CCDC18: variants seen among roughly 807,000 people sequenced by gnomAD.
The protein encoded by CCDC18 is coiled-coil domain-containing protein 18.
CCDC18 carries 157 observed loss-of-function variants against 196.0 expected under a neutral mutation model. That is an observed-to-expected ratio of 0.80 (90% CI 0.70 to 0.91). CCDC18 has a LOEUF of 0.91. Ranked by LOEUF, CCDC18 falls within the 40% of genes least tolerant of loss-of-function variation. CCDC18 has a pLI of 0.00. For synonymous variants in CCDC18, 482 were observed against 529.2 expected (o/e 0.91, Z 1.22); for missense variants, 1,465 against 1,611.6 (o/e 0.91, Z 1.56).
At chr1:93,272,090 G>A (rs1377175387) in intron 28 of CCDC18, among the ~76,000 whole-genome samples, 2 of 152,122 alleles carry the variant, frequency 1.3e-5, no homozygotes, top group Non-Finnish European at 2.9e-5. Context: ...AGCTTTGGTG[G>A]CCTGAACAGT....
intron 12 of CCDC18, 115 bp downstream of exon 12, chr1:93,215,081 A>G: frequency 1.7e-6 from 1 of 577,530 alleles, no homozygotes; most frequent in Non-Finnish European, 2.9e-6. Context: ...TTTTTAAAAA[A>G]TGGTACCACA....
At chr1:93,197,436 A>T (rs969521203) in intron 6 of CCDC18, among the ~76,000 whole-genome samples, 2 of 152,188 alleles carry the variant, frequency 1.3e-5, no homozygotes, top group African/African-American at 4.8e-5. Context: ...GAAAACTTAG[A>T]CTAAATAAAA....
At position 93,266,511 on chromosome 1, in the gene CCDC18, T is replaced by G. The variant is rs563081189; in HGVS notation, c.3885+1610T>G. Among the ~76,000 whole-genome samples, 3 of 152,166 alleles carry G rather than the reference T, an allele frequency of 2.0e-5. No homozygotes were observed. The South Asian group carries it at 6.2e-4, about 32-fold the overall frequency. ...AAAATCAATGAATCCAGGAGCTGGT[T>G]TTTAGAAAAGATCAACAAAATTGAT... On this transcript the variant is annotated intron_variant, in intron 27 of 28. Coordinates refer to ENST00000690025, the MANE Select transcript of CCDC18 (RefSeq NM_001378204.1).
intron 12 of CCDC18, among the ~76,000 whole-genome samples, chr1:93,215,455 C>CTT (rs60117060): frequency 3.6e-5 from 5 of 139,916 alleles, no homozygotes; most frequent in African/African-American, 5.2e-5. Flanking sequence ...TTTTCTTTTT[C>CTT]TTTTTTTTTT....
At chr1:93,194,043 G>A (rs971535234) in intron 6 of CCDC18, among the ~76,000 whole-genome samples, 9 of 151,924 alleles carry the variant, frequency 5.9e-5, no homozygotes, top group Non-Finnish European at 1.0e-4. Flanking sequence ...CCAGTACACT[G>A]AGTTTAAAAT....
At chr1:93,211,316 A>C (rs532553665) in intron 10 of CCDC18, among the ~76,000 whole-genome samples, 2 of 152,120 alleles carry the variant, frequency 1.3e-5, no homozygotes, top group South Asian at 4.1e-4. Flanking sequence ...GAATTTAAAA[A>C]ATATACAGAA....
At chr1:93,210,678 C>T in intron 9 of CCDC18, 124 bp from the exon 10 acceptor site, 3 of 616,614 alleles carry the variant, frequency 4.9e-6, no homozygotes, top group East Asian at 3.0e-5. Context: ...ATATATTCTC[C>T]TATTGATGGA....
chr1:93,185,406 C>G (rs1349372623), intron 3 of CCDC18, among the ~76,000 whole-genome samples: 1 of 151,890 alleles, frequency 6.6e-6, no homozygotes, highest in East Asian at 1.9e-4. Flanking sequence ...TGAAATTAGG[C>G]ATTGTTTATC....
intron 19 of CCDC18, 55 bp from the exon 20 acceptor site, chr1:93,239,255 C>G: frequency 7.6e-7 from 1 of 1,312,842 alleles, no homozygotes; most frequent in Non-Finnish European, 1.0e-6. Context: ...TAGTCAGAGA[C>G]AAGTTAGTTG....
chr1:93,181,159 TAAAA>T (rs71094239), intron 1 of CCDC18, among the ~76,000 whole-genome samples: 2 of 89,858 alleles, frequency 2.2e-5, no homozygotes, highest in Non-Finnish European at 3.9e-5. Flanking sequence ...TCTATAAAAT[TAAAA>T]AAAAAAAAAA....
At chr1:93,183,290 C>T (rs1239204282) in intron 1 of CCDC18, 70 bp from the exon 2 acceptor site, 3 of 1,087,484 alleles carry the variant, frequency 2.8e-6, no homozygotes, top group Non-Finnish European at 3.8e-6. Flanking sequence ...AAATTCTATT[C>T]ATGTGAGTAT....
chr1:93,196,407 A>AGTG (rs1652738153), intron 6 of CCDC18, among the ~76,000 whole-genome samples: 1 of 152,206 alleles, frequency 6.6e-6, no homozygotes, highest in Non-Finnish European at 1.5e-5. Flanking sequence ...TTAGGATCAC[A>AGTG]CAGAATAGAC....
intron 6 of CCDC18, among the ~76,000 whole-genome samples, chr1:93,201,087 A>G (rs1478554633): frequency 6.6e-6 from 1 of 152,186 alleles, no homozygotes; most frequent in South Asian, 2.1e-4. Flanking sequence ...ACTTGTTTAT[A>G]CTTGTGGCAA....
chr1:93,242,480 A>G (rs533111108), intron 21 of CCDC18, among the ~76,000 whole-genome samples: 2 of 152,284 alleles, frequency 1.3e-5, no homozygotes, highest in East Asian at 3.9e-4. Context: ...GGAATTCAAG[A>G]TGAGATTTGG....
At chr1:93,255,246 C>T (rs984784470) in intron 24 of CCDC18, among the ~76,000 whole-genome samples, 7 of 151,930 alleles carry the variant, frequency 4.6e-5, no homozygotes, top group African/African-American at 7.3e-5. Flanking sequence ...CTACCGTGCC[C>T]GGCCGAAGAG....
At chr1:93,270,855 C>A in intron 28 of CCDC18, 41 bp downstream of exon 28, 1 of 1,376,110 alleles carries the variant, frequency 7.3e-7, no homozygotes, top group South Asian at 1.9e-5. Context: ...AATTTGTTTC[C>A]AAAGAATATC....
At chr1:93,265,224 C>T (rs998454895) in intron 27 of CCDC18, among the ~76,000 whole-genome samples, 15 of 151,964 alleles carry the variant, frequency 9.9e-5, no homozygotes, top group African/African-American at 3.1e-4. Context: ...TAAAGTAGGC[C>T]GGGCGTGGTG....
chr1:93,205,689 A>G, intron 8 of CCDC18, 58 bp downstream of exon 8: 1 of 1,401,928 alleles, frequency 7.1e-7, no homozygotes, highest in Non-Finnish European at 9.8e-7. Context: ...AAACTGAAAC[A>G]CTTTAAAACA....
rs878897321 is a variant in CCDC18, at chr1:93,195,647, G to A, written c.698+1903G>A. Among the ~76,000 whole-genome samples the A allele has an allele frequency of 2.0e-5, 3 of 152,092 alleles. 1 individual carries two copies. Among genetic ancestry groups the A allele is most frequent in the Admixed American group, 2.0e-4 (3 of 15,278 alleles). On this transcript the variant is annotated intron_variant, in intron 6 of 28. Transcript: ENST00000690025. ...GCCATTATAAGAGGGCTTGACAGAG[G>A]GAGTTTGTTCCTTTTTTCCTTTCTG...
Sources: gnomAD v4.1 joint callset for allele counts (sites outside exome capture counted in the v4.1 genomes callset) on GRCh38, gnomAD v4.1.1 for gene constraint, MANE v1.5 for transcripts, NCBI Gene and HGNC (gene_info 2026-07-23, HGNC 2026-07-21) for gene names.